SYT1: variants seen among roughly 807,000 people sequenced by gnomAD.
The protein encoded by SYT1 is synaptotagmin 1.
A neutral mutation model predicts 44.8 loss-of-function variants in SYT1; 8 were observed. The observed-to-expected ratio is 0.18, with a 90% CI of 0.10 to 0.32. SYT1 has a LOEUF of 0.32. SYT1 is among the 10% of genes least tolerant of loss of function. SYT1 has a pLI of 1.00. For synonymous variants in SYT1, 154 were observed against 188.8 expected (o/e 0.82, Z 1.51); for missense variants, 286 against 509.3 (o/e 0.56, Z 4.22).
chr12:79,045,323 G>C (rs967459162), intron 2 of SYT1, among the ~76,000 whole-genome samples: 4 of 152,050 alleles, frequency 2.6e-5, no homozygotes, highest in African/African-American at 7.3e-5. Flanking sequence ...TAATCTCGTG[G>C]TGCGCCATTT....
chr12:79,107,250 G>A (rs1353825138), intron 3 of SYT1, among the ~76,000 whole-genome samples: 1 of 151,914 alleles, frequency 6.6e-6, no homozygotes, highest in Non-Finnish European at 1.5e-5. Flanking sequence ...TAGGGCCAGA[G>A]AGTTTACTAA....
At chr12:78,983,000 G>T (rs1458905424) in intron 2 of SYT1, among the ~76,000 whole-genome samples, 1 of 151,812 alleles carries the variant, frequency 6.6e-6, no homozygotes, top group East Asian at 1.9e-4. Flanking sequence ...CTATTAACAA[G>T]GAACAAATAT....
chr12:79,053,032 A>T (rs1874637519), intron 3 of SYT1, among the ~76,000 whole-genome samples: 1 of 152,210 alleles, frequency 6.6e-6, no homozygotes, highest in Admixed American at 6.5e-5. Context: ...ATTATAAATC[A>T]TGCTGCTATA....
At chr12:79,220,121 T>G (rs1875066888) in intron 4 of SYT1, among the ~76,000 whole-genome samples, 1 of 152,094 alleles carries the variant, frequency 6.6e-6, no homozygotes, top group Admixed American at 6.5e-5. Context: ...ATTAAGATAC[T>G]CTATTTCTTC....
intron 4 of SYT1, among the ~76,000 whole-genome samples, chr12:79,241,155 C>G (rs1487749764): frequency 6.6e-6 from 1 of 152,102 alleles, no homozygotes; most frequent in East Asian, 1.9e-4. Flanking sequence ...GCCTGAACAA[C>G]AGAGTGAAAC....
intron 3 of SYT1, among the ~76,000 whole-genome samples, chr12:79,140,886 A>G (rs1222711069): frequency 1.3e-5 from 2 of 152,146 alleles, no homozygotes; most frequent in African/African-American, 2.4e-5. Context: ...CACATTGTTG[A>G]TTGGCATAAG....
intron 8 of SYT1, among the ~76,000 whole-genome samples, chr12:79,336,865 C>G (rs988967908): frequency 6.6e-6 from 1 of 151,838 alleles, no homozygotes; most frequent in African/African-American, 2.4e-5. Context: ...GGGGTGGAGA[C>G]AGGGTCTTGT....
intron 3 of SYT1, among the ~76,000 whole-genome samples, chr12:79,074,807 C>G (rs539486928): frequency 6.6e-6 from 1 of 152,166 alleles, no homozygotes; most frequent in East Asian, 1.9e-4. Flanking sequence ...AATGTGATTC[C>G]AGATTTTATT....
At chr12:79,114,587 G>T (rs1406708559) in intron 3 of SYT1, among the ~76,000 whole-genome samples, 1 of 152,172 alleles carries the variant, frequency 6.6e-6, no homozygotes, top group Non-Finnish European at 1.5e-5. Context: ...CAACTTTGGA[G>T]AAATTCCTTC....
intron 9 of SYT1, among the ~76,000 whole-genome samples, chr12:79,357,809 G>A (rs531515685): frequency 2.0e-5 from 3 of 152,224 alleles, no homozygotes; most frequent in Admixed American, 2.0e-4. Context: ...CAATAGCTTC[G>A]TTGCCTTTTA....
intron 4 of SYT1, among the ~76,000 whole-genome samples, chr12:79,234,227 A>G (rs1054047063): frequency 6.6e-6 from 1 of 152,178 alleles, no homozygotes; most frequent in African/African-American, 2.4e-5. Flanking sequence ...AATCACACTC[A>G]AAACTCAGTC....
chr12:79,166,832 T>C (rs976548207), intron 3 of SYT1, among the ~76,000 whole-genome samples: 2 of 152,056 alleles, frequency 1.3e-5, no homozygotes, highest in Admixed American at 1.3e-4. Context: ...GACTTGGTAG[T>C]TGAAAAAACT....
At chr12:79,246,314 A>G (rs2138673809) in intron 4 of SYT1, among the ~76,000 whole-genome samples, 1 of 152,272 alleles carries the variant, frequency 6.6e-6, no homozygotes, top group South Asian at 2.1e-4. Flanking sequence ...TCAGCTTCGC[A>G]TGTGTGAATT....
At chr12:79,249,088 C>CCTTTT (rs1877025483) in intron 4 of SYT1, among the ~76,000 whole-genome samples, 1 of 71,816 alleles carries the variant, frequency 1.4e-5, no homozygotes, top group Non-Finnish European at 2.4e-5. Flanking sequence ...TTACCTCTTT[C>CCTTTT]TTTTTTTTTT....
At chr12:79,019,738 A>G (rs1256945042) in intron 2 of SYT1, among the ~76,000 whole-genome samples, 1 of 152,008 alleles carries the variant, frequency 6.6e-6, no homozygotes, top group African/African-American at 2.4e-5. Flanking sequence ...TCAGAGAAAC[A>G]TAAAACTGCT....
intron 3 of SYT1, among the ~76,000 whole-genome samples, chr12:79,061,506 C>T (rs1393992135): frequency 6.6e-6 from 1 of 152,090 alleles, no homozygotes; most frequent in Non-Finnish European, 1.5e-5. Flanking sequence ...GCTGCTCTGT[C>T]ACCTCACACT....
At chr12:79,185,782 G>A (rs1334908948) in intron 3 of SYT1, among the ~76,000 whole-genome samples, 1 of 151,876 alleles carries the variant, frequency 6.6e-6, no homozygotes, top group Non-Finnish European at 1.5e-5. Flanking sequence ...TTATTTTATA[G>A]CAAAGTTAAC....
At chr12:79,075,931 T>C (rs1049247060) in intron 3 of SYT1, among the ~76,000 whole-genome samples, 5 of 152,136 alleles carry the variant, frequency 3.3e-5, no homozygotes, top group Admixed American at 1.3e-4. Flanking sequence ...AAAAGATTTC[T>C]TTTCTAACCC....
rs565267087 is a variant in SYT1, at chr12:79,379,692, A to G, written c.928+26073A>G. On this transcript the variant is annotated intron_variant, in intron 9 of 10. Transcript: ENST00000261205. ...TCGTGTATATGTTTATATACTGAAGAATCAATCATCCAATAGAAATCTAGC... is the reference window on the plus strand; with the variant it reads ...TCGTGTATATGTTTATATACTGAAGGATCAATCATCCAATAGAAATCTAGC... Among the ~76,000 whole-genome samples the G allele has an allele frequency of 2.6e-5, 4 of 152,254 alleles. No individual in the cohort carries two copies. In the East Asian group the frequency reaches 7.7e-4, roughly 29 times the overall value.
Sources: allele counts gnomAD v4.1 joint callset (sites outside exome capture counted in the v4.1 genomes callset), GRCh38; gene constraint gnomAD v4.1.1; transcripts MANE v1.5; gene names NCBI Gene and HGNC (gene_info 2026-07-23, HGNC 2026-07-21).